Variants in SBNO2 observed in about 807,000 individuals in gnomAD.
The protein encoded by SBNO2 is protein strawberry notch homolog 2.
SBNO2 carries 89 observed loss-of-function variants against 146.3 expected under a neutral mutation model. The ratio of observed to expected loss-of-function variants is 0.61; its 90% CI spans 0.51 to 0.73. The LOEUF (loss-of-function observed/expected upper bound fraction) is 0.73, where lower values mean the gene tolerates loss of function less well. SBNO2 is among the 30% of genes least tolerant of loss of function. The pLI, the probability that SBNO2 is intolerant of heterozygous loss-of-function variation, is 0.00. For missense variants in SBNO2, 2,092 were observed against 2,003.7 expected, an observed-to-expected ratio of 1.04 and a Z score of -0.84; for synonymous variants, 1,147 against 892.6, an observed-to-expected ratio of 1.29 and a Z score of -5.08.
At chr19:1,129,736 G>C (rs2080006847) in intron 4 of SBNO2, among the ~76,000 whole-genome samples, 1 of 152,200 alleles carries the variant, frequency 6.6e-6, no homozygotes, top group Non-Finnish European at 1.5e-5. Context: ...CCAGGAGCGG[G>C]GGTGAGTTGC....
rs755834135 is a variant in SBNO2 at position 1,119,072 on chromosome 19, C to A, written c.1466G>T (p.Arg489Leu). The part of the protein sequence containing the change: ...RQLSFSGVTF[R>L]IEEIPLAPAF... ...TGGGGCCAGCGGGATCTCCTCGATGCGGAAGGTGACGCCGGAGAAGCTGAG... is the reference window on the plus strand; with the variant it reads ...TGGGGCCAGCGGGATCTCCTCGATGAGGAAGGTGACGCCGGAGAAGCTGAG... The change falls in exon 14 of 32, where the codon CGC (arginine) becomes CTC (leucine). Residue 489 changes from arginine to leucine, a missense_variant. Transcript: ENST00000361757. The A allele has an allele frequency of 6.2e-7, 1 of 1,605,680 alleles. No individual in the cohort carries two copies. Among genetic ancestry groups the A allele is most frequent in the Non-Finnish European group, 8.5e-7 (1 of 1,177,128 alleles).
Position 1,158,625 on chromosome 19 carries a change from C to T in SBNO2, c.-126-4223G>A, listed in dbSNP as rs888991610. ...CGGACATGGAGGTCTGAGGAGGAGG[C>T]GGCGAGGCCCGGGCGAGCGGGCGCG... On this transcript the variant is annotated intron_variant, in intron 1 of 31. Coordinates refer to ENST00000361757, the MANE Select transcript of SBNO2 (RefSeq NM_014963.3). This position sits in a 1 kb window ranked among gnomAD's most constrained non-coding sequence, Gnocchi z 9.9. 1.3e-5 allele frequency among the ~76,000 whole-genome samples: 2 copies of T among 152,298 alleles called. No individual in the cohort carries two copies. The highest frequency in any genetic ancestry group is 2.9e-5 in the Non-Finnish European group (2 of 68,006).
In SBNO2 at chr19:1,110,686, C is replaced by A; in HGVS notation, c.3028+59G>T. ...CCCCGAGCCCACCCAGGATGCATGG[C>A]GTTCCCACGAGCCCCGCACCCACAC... On this transcript the variant is annotated intron_variant, in intron 26 of 31. Coordinates refer to ENST00000361757, the MANE Select transcript of SBNO2 (RefSeq NM_014963.3). The surrounding 1 kb of genome is among the most constrained non-coding windows in gnomAD (Gnocchi z 4.9). The A allele has an allele frequency of 6.4e-7, 1 of 1,566,058 alleles. No homozygotes were observed. The highest frequency in any genetic ancestry group is 8.7e-7 in the Non-Finnish European group (1 of 1,147,056).
intron 19 of SBNO2, 139 bp from the exon 20 acceptor site, chr19:1,113,088 G>A: frequency 9.8e-7 from 1 of 1,023,296 alleles, no homozygotes; most frequent in Non-Finnish European, 1.4e-6. Context: ...TGCTGGGAAA[G>A]GGAGGGCGGG....
intron 14 of SBNO2, among the ~76,000 whole-genome samples, chr19:1,117,776 G>C (rs150609260): frequency 6.6e-6 from 1 of 152,362 alleles, no homozygotes; most frequent in African/African-American, 2.4e-5. Flanking sequence ...CAAGAACACA[G>C]GGTGCTCGCA....
intron 4 of SBNO2, among the ~76,000 whole-genome samples, chr19:1,146,270 C>T (rs1330127523): frequency 1.3e-5 from 2 of 152,132 alleles, no homozygotes; most frequent in African/African-American, 4.8e-5. Context: ...AGCACAGACT[C>T]AGGGTCCGGC....
intron 5 of SBNO2, 69 bp downstream of exon 5, chr19:1,127,535 G>GT: frequency 6.9e-7 from 1 of 1,456,136 alleles, no homozygotes; most frequent in Non-Finnish European, 9.5e-7. Context: ...TCACTGGACC[G>GT]TGTGGGTCCC....
At position 1,110,546 on chromosome 19, in the gene SBNO2, C is replaced by T. The variant is rs914549283; in HGVS notation, c.3028+199G>A. Among the ~76,000 whole-genome samples, 9 of 139,720 alleles carry T rather than the reference C, an allele frequency of 6.4e-5. No individual in the cohort carries two copies. Among genetic ancestry groups the T allele is most frequent in the East Asian group, 2.0e-4 (1 of 5,100 alleles). 91.7% of individuals were successfully genotyped at this position (139,720 alleles called of 152,430 possible). A position where few individuals can be genotyped will look rare whatever the true frequency, so the allele number is the denominator to read the frequency against. On this transcript the variant is annotated intron_variant, in intron 26 of 31. Coordinates refer to ENST00000361757, the MANE Select transcript of SBNO2 (RefSeq NM_014963.3). This position sits in a 1 kb window ranked among gnomAD's most constrained non-coding sequence, Gnocchi z 4.9. ...TCACCCACAATGCACGGTGTTCCCA[C>T]GAGCCCCGAGCCCACCTGGGATGCC...
Position 1,122,521 on chromosome 19 carries a change from G to A in SBNO2, c.952C>T (p.Arg318Cys), listed in dbSNP as rs757109846. Residue 318 changes from arginine (R) to cysteine (C), a missense_variant, in exon 10 of 32, where the codon CGC (arginine) becomes TGC (cysteine). Physicochemically the swap from Arg to Cys is radical, Grantham distance 180 (BLOSUM62 -3). Transcript: ENST00000361757. Reference sequence around the variant, plus strand: ...GTGGCTTCGATGTCCCGCAGGTCGCGCTCCGCATCGTACTTGAGGTCGTTG... The same window carrying A: ...GTGGCTTCGATGTCCCGCAGGTCGCACTCCGCATCGTACTTGAGGTCGTTG... ...VSNDLKYDAE[R>C]DLRDIEATGI... 51 of 1,561,302 alleles carry A rather than the reference G, an allele frequency of 3.3e-5. No individual in the cohort carries two copies. The highest frequency in any genetic ancestry group is 3.3e-4 in the Middle Eastern group (2 of 6,020).
intron 14 of SBNO2, among the ~76,000 whole-genome samples, chr19:1,117,768 A>G (rs1223669267): frequency 6.6e-6 from 1 of 152,256 alleles, no homozygotes; most frequent in Non-Finnish European, 1.5e-5. Flanking sequence ...GCTCCTTCCA[A>G]GAACACAGGG....
rs970234432 is a variant in SBNO2 at position 1,125,683 on chromosome 19, GA to G, written c.442-1662del. Reference sequence around the variant, plus strand: ...AGCGAGAGACTCTGTCTTAAAAAAAGAAAAAAAAAAGTGTGAAGAATTGGAA... The same window carrying G: ...AGCGAGAGACTCTGTCTTAAAAAAAGAAAAAAAAAGTGTGAAGAATTGGAA... On this transcript the variant is annotated intron_variant, in intron 5 of 31. Coordinates refer to ENST00000361757, the MANE Select transcript of SBNO2 (RefSeq NM_014963.3). Among the ~76,000 whole-genome samples, 333 of 142,812 alleles carry G rather than the reference GA, an allele frequency of 2.3e-3. 1 individual carries two copies. The highest frequency in any genetic ancestry group is 8.2e-3 in the African/African-American group (316 of 38,516). The allele number at this position is 142,812 out of a possible 152,430, so 93.7% of individuals were successfully genotyped here.
intron 4 of SBNO2, chr19:1,132,226 C>T (rs2080038138): frequency 4.6e-6 from 6 of 1,313,882 alleles, no homozygotes; most frequent in Admixed American, 8.1e-5. Context: ...AGCATTGGGT[C>T]GGCCGGGGCG....
At chr19:1,163,792 G>A (rs1403078601) in intron 1 of SBNO2, among the ~76,000 whole-genome samples, 2 of 152,216 alleles carry the variant, frequency 1.3e-5, no homozygotes, top group Admixed American at 6.5e-5. Context: ...TTAGGATGAG[G>A]ACGAGGTGGG....
chr19:1,147,631 G>C (rs1363611068), intron 3 of SBNO2, among the ~76,000 whole-genome samples: 2 of 152,020 alleles, frequency 1.3e-5, no homozygotes, highest in Admixed American at 6.5e-5. Flanking sequence ...ACCCCCACTG[G>C]ACACAGCCCG....
intron 5 of SBNO2, 29 bp from the exon 6 acceptor site, chr19:1,124,051 G>C (rs1231775929): frequency 2.5e-6 from 4 of 1,600,314 alleles, no homozygotes; most frequent in Non-Finnish European, 3.4e-6. Context: ...GTCAGCCCGG[G>C]CCAGACGGGA....
chr19:1,138,380 A>G (rs2080104446), intron 4 of SBNO2, among the ~76,000 whole-genome samples: 1 of 151,764 alleles, frequency 6.6e-6, no homozygotes, highest in Admixed American at 6.6e-5. Flanking sequence ...TGCAGCAGCA[A>G]GGGCCCCTTA....
intron 4 of SBNO2, among the ~76,000 whole-genome samples, chr19:1,141,261 C>T (rs902690302): frequency 1.3e-5 from 2 of 151,904 alleles, no homozygotes; most frequent in African/African-American, 4.8e-5. Context: ...GTCACCCAGG[C>T]TCGAATGCAG....
chr19:1,112,112 C>G lies in SBNO2; in HGVS notation c.2629-45G>C, dbSNP rs774444163. 1 of 1,608,014 alleles carries G rather than the reference C, an allele frequency of 6.2e-7. No individual in the cohort carries two copies. Among genetic ancestry groups the G allele is most frequent in the Non-Finnish European group, 8.5e-7 (1 of 1,177,180 alleles). On this transcript the variant is annotated intron_variant, in intron 22 of 31. Coordinates refer to ENST00000361757, the MANE Select transcript of SBNO2 (RefSeq NM_014963.3). This position sits in a 1 kb window ranked among gnomAD's most constrained non-coding sequence, Gnocchi z 5.9. ...CATCAGTTGGTCACCTGGGGTCTGG[C>G]CTCTAGCACCCCACAAAGCTTTGGA... is the stretch of plus-strand genomic sequence containing the variant.
intron 4 of SBNO2, among the ~76,000 whole-genome samples, chr19:1,130,411 G>A (rs1188938942): frequency 6.6e-6 from 1 of 151,798 alleles, no homozygotes; most frequent in African/African-American, 2.4e-5. Context: ...AGGATCCGTT[G>A]AGCCCAGGTG....
Sources: allele counts gnomAD v4.1 joint callset (sites outside exome capture counted in the v4.1 genomes callset), GRCh38; gene constraint gnomAD v4.1.1; non-coding constraint Gnocchi (gnomAD v3.1); transcripts MANE v1.5; gene names NCBI Gene and HGNC (gene_info 2026-07-23, HGNC 2026-07-21).